Variants in AMPH observed in about 807,000 individuals in gnomAD.
The protein encoded by AMPH is amphiphysin (Stiff-Mann syndrome with breast cancer 128kD autoantigen).
In AMPH, 49 loss-of-function variants were observed where a neutral mutation model predicts 99.1. That is an observed-to-expected ratio of 0.49 (90% CI 0.39 to 0.63). AMPH has a LOEUF of 0.63. AMPH is among the 20% of genes least tolerant of loss of function. AMPH has a pLI of 0.00. For synonymous variants in AMPH, 314 were observed against 317.3 expected (o/e 0.99, Z 0.11); for missense variants, 759 against 863.4 (o/e 0.88, Z 1.52).
intron 1 of AMPH, among the ~76,000 whole-genome samples, chr7:38,592,542 C>T (rs11975369): frequency 2.2e-4 from 33 of 152,126 alleles, no homozygotes; most frequent in African/African-American, 7.7e-4. Context: ...ACCAGCCTGA[C>T]CAATATGGTG....
At chr7:38,582,483 T>C (rs1304704336) in intron 1 of AMPH, among the ~76,000 whole-genome samples, 2 of 152,222 alleles carry the variant, frequency 1.3e-5, no homozygotes, top group African/African-American at 4.8e-5. Flanking sequence ...TCAAAACTAC[T>C]CTTATTCTTT....
In AMPH at chr7:38,384,743, A is replaced by G; in HGVS notation, c.*75T>C. The G allele has an allele frequency of 3.2e-6, 4 of 1,244,516 alleles. No homozygotes were observed. Among genetic ancestry groups the G allele is most frequent in the Non-Finnish European group, 3.5e-6 (3 of 850,336 alleles). 77.1% of individuals were successfully genotyped at this position (1,244,516 alleles called of 1,614,324 possible). A position where few individuals can be genotyped will look rare whatever the true frequency, so the allele number is the denominator to read the frequency against. On this transcript the variant is annotated 3_prime_UTR_variant, in exon 21 of 21. Coordinates refer to ENST00000356264, the MANE Select transcript of AMPH (RefSeq NM_001635.4). ...TGTAAATCATTAAGAGCATAATAAC[A>G]AAAGTGAACTCTTCAGGTTTTCATG...
chr7:38,549,302 C>T (rs1791102758), intron 1 of AMPH, among the ~76,000 whole-genome samples: 1 of 152,180 alleles, frequency 6.6e-6, no homozygotes. Flanking sequence ...GAATGCAAGG[C>T]AATCACAACC....
Position 38,394,012 on chromosome 7 carries a change from ACTGTTG to A in AMPH, c.1595_1600del (p.Ala532_Thr533del). ...GCGACATGGGACACTCACCTGAGGCACTGTTGCTTCGAGCTCCTCTGCTTCAGGTTG... is the reference window on the plus strand; with the variant it reads ...GCGACATGGGACACTCACCTGAGGCACTTCGAGCTCCTCTGCTTCAGGTTG... On this transcript the variant is annotated inframe_deletion, in exon 18 of 21. Coordinates refer to ENST00000356264, the MANE Select transcript of AMPH (RefSeq NM_001635.4). 6.2e-7 allele frequency: 1 copy of A among 1,614,232 alleles called. No homozygotes were observed. Among genetic ancestry groups the A allele is most frequent in the Non-Finnish European group, 8.5e-7 (1 of 1,180,032 alleles).
At chr7:38,599,708 A>C (rs1269895701) in intron 1 of AMPH, among the ~76,000 whole-genome samples, 1 of 152,124 alleles carries the variant, frequency 6.6e-6, no homozygotes, top group Non-Finnish European at 1.5e-5. Context: ...ATGTTCTTAT[A>C]CATCAAATTT....
Position 38,417,928 on chromosome 7 carries a change from G to A in AMPH, c.1295C>T (p.Pro432Leu), listed in dbSNP as rs768564392. ...AGGCTCCTCTGCTTTTGGCTCTGTG[G>A]GTGGAGCCTGTTCAGATTCAGCCTT... ...CNLAESEQAP[P>L]TEPKAEEPLA... The change falls in exon 17 of 21, where the codon CCC becomes CTC. Residue 432 changes from proline to leucine, a missense_variant. Pro to Leu is a moderately conservative substitution (Grantham distance 98). Around this residue, in one of 2 missense-constraint regions of AMPH, gnomAD observed 554 missense variants for 575.6 expected, o/e 0.96. Transcript: ENST00000356264. The A allele has an allele frequency of 6.2e-7, 1 of 1,614,086 alleles. No individual in the cohort carries two copies. Among genetic ancestry groups the A allele is most frequent in the South Asian group, 1.1e-5 (1 of 91,066 alleles).
At chr7:38,410,007 A>C (rs1785168093) in intron 17 of AMPH, among the ~76,000 whole-genome samples, 1 of 152,230 alleles carries the variant, frequency 6.6e-6, no homozygotes, top group African/African-American at 2.4e-5. Context: ...AGATAAGCAC[A>C]TACTAGTTTT....
At chr7:38,602,370 A>G (rs990628665) in intron 1 of AMPH, among the ~76,000 whole-genome samples, 2 of 152,254 alleles carry the variant, frequency 1.3e-5, no homozygotes, top group African/African-American at 2.4e-5. Flanking sequence ...TCTGGGGGTC[A>G]GAAGTTTGAA....
intron 10 of AMPH, among the ~76,000 whole-genome samples, chr7:38,461,804 T>C (rs1461533207): frequency 2.0e-5 from 3 of 152,248 alleles, no homozygotes; most frequent in Admixed American, 6.5e-5. Context: ...TTCATTTGAA[T>C]TGGTGAGACC....
At chr7:38,453,169 A>C (rs567438873) in intron 11 of AMPH, among the ~76,000 whole-genome samples, 2 of 152,330 alleles carry the variant, frequency 1.3e-5, no homozygotes, top group East Asian at 3.9e-4. Context: ...CCAGATTAGA[A>C]GAAAACAATA....
chr7:38,428,381 A>C, intron 14 of AMPH: 1 of 456,666 alleles, frequency 2.2e-6, no homozygotes, highest in South Asian at 1.5e-5. Context: ...CCTTACATGA[A>C]CATAAATCTC....
chr7:38,431,948 A>G (rs931335012), intron 13 of AMPH: 1 of 565,174 alleles, frequency 1.8e-6, no homozygotes, highest in African/African-American at 1.9e-5. Flanking sequence ...ACTCTTGACC[A>G]TTATTCAAAT....
At chr7:38,468,951 G>C (rs1787772155) in intron 7 of AMPH, among the ~76,000 whole-genome samples, 1 of 69,016 alleles carries the variant, frequency 1.4e-5, no homozygotes. Context: ...TCAGGAGATC[G>C]AGACCATCCC....
intron 10 of AMPH, among the ~76,000 whole-genome samples, chr7:38,462,642 G>C (rs1294486174): frequency 6.6e-6 from 1 of 152,148 alleles, no homozygotes; most frequent in Non-Finnish European, 1.5e-5. Context: ...GGAGAGGGAA[G>C]GTTTCATGCA....
At chr7:38,386,723 G>A (rs1391549529) in intron 20 of AMPH, among the ~76,000 whole-genome samples, 2 of 152,128 alleles carry the variant, frequency 1.3e-5, no homozygotes, top group African/African-American at 2.4e-5. Context: ...AATATATAAA[G>A]TGTAAATTTA....
At chr7:38,497,059 T>C (rs1347117400) in intron 3 of AMPH, among the ~76,000 whole-genome samples, 4 of 152,208 alleles carry the variant, frequency 2.6e-5, no homozygotes, top group East Asian at 1.9e-4. Context: ...TAAGTGGTGA[T>C]GGATCATTTG....
At chr7:38,478,089 A>AC (rs1424971363) in intron 5 of AMPH, among the ~76,000 whole-genome samples, 1 of 151,148 alleles carries the variant, frequency 6.6e-6, no homozygotes, top group Non-Finnish European at 1.5e-5. Context: ...CAAACAAACA[A>AC]AACAACAACA....
intron 2 of AMPH, among the ~76,000 whole-genome samples, chr7:38,527,590 T>G (rs112558384): frequency 2.6e-5 from 4 of 152,356 alleles, no homozygotes; most frequent in African/African-American, 9.6e-5. Flanking sequence ...TGTGTTGATC[T>G]TATATCTTGT....
intron 5 of AMPH, among the ~76,000 whole-genome samples, chr7:38,478,115 A>C (rs1448055813): frequency 6.6e-5 from 10 of 151,828 alleles, no homozygotes; most frequent in Admixed American, 6.6e-4. Context: ...AACAGCCCTA[A>C]CTCCACTACA....
Sources: gnomAD v4.1 joint callset for allele counts (sites outside exome capture counted in the v4.1 genomes callset) on GRCh38, gnomAD v4.1.1 for gene constraint, gnomAD v4.1.1 regional missense constraint, MANE v1.5 for transcripts, NCBI Gene and HGNC (gene_info 2026-07-23, HGNC 2026-07-21) for gene names.